The following LRP1B variants were observed in gnomAD, a reference collection of about 807,000 sequenced individuals.
LRP1B encodes the protein LDL receptor related protein 1B.
Under a neutral mutation model 556.6 loss-of-function variants are expected in LRP1B, and 217 were observed. That is an observed-to-expected ratio of 0.39 (90% CI 0.35 to 0.44). The LOEUF is 0.44. Ranked by LOEUF, LRP1B falls within the 20% of genes least tolerant of loss-of-function variation. The pLI is 1.00. For synonymous variants in LRP1B, 2,047 were observed against 1,865.8 expected (o/e 1.10, Z -2.50); for missense variants, 5,053 against 5,620.8 (o/e 0.90, Z 3.23).
intron 41 of LRP1B, among the ~76,000 whole-genome samples, chr2:140,618,148 G>T (rs928744842): frequency 4.0e-5 from 6 of 151,874 alleles, no homozygotes; most frequent in African/African-American, 1.4e-4. Context: ...TGTATTGATT[G>T]CATGCATATA....
chr2:141,632,625 T>TAG (rs987130721), intron 2 of LRP1B, among the ~76,000 whole-genome samples: 1 of 152,182 alleles, frequency 6.6e-6, no homozygotes, highest in Non-Finnish European at 1.5e-5. Flanking sequence ...CTGCATGTGA[T>TAG]AGAGAAAGTT....
chr2:141,336,540 ATAGTT>A (rs1326059069), intron 3 of LRP1B, among the ~76,000 whole-genome samples: 3 of 152,114 alleles, frequency 2.0e-5, no homozygotes, highest in Admixed American at 6.5e-5. Context: ...TTTAACTGTT[ATAGTT>A]TAATTTTTTC....
chr2:140,690,994 C>T (rs772565705), intron 41 of LRP1B, among the ~76,000 whole-genome samples: 27 of 151,918 alleles, frequency 1.8e-4, no homozygotes, highest in African/African-American at 3.4e-4. Context: ...ATTTTGAGAA[C>T]GAATGTCTGT....
chr2:141,831,677 T>A (rs914125799), intron 1 of LRP1B, among the ~76,000 whole-genome samples: 5 of 151,690 alleles, frequency 3.3e-5, no homozygotes, highest in Non-Finnish European at 5.9e-5. Context: ...TATTTAAATT[T>A]TCCAAATATC....
intron 7 of LRP1B, among the ~76,000 whole-genome samples, chr2:141,163,179 AC>A (rs955303375): frequency 6.6e-6 from 1 of 152,064 alleles, no homozygotes; most frequent in African/African-American, 2.4e-5. Context: ...ACACAAATAG[AC>A]TACCTAAACA....
chr2:141,068,206 AC>A (rs1196053862), intron 7 of LRP1B, among the ~76,000 whole-genome samples: 2 of 151,964 alleles, frequency 1.3e-5, no homozygotes, highest in African/African-American at 4.8e-5. Flanking sequence ...TAGGGTAAAT[AC>A]CCGGGGTTCA....
At chr2:140,536,495 T>A in intron 46 of LRP1B, 86 bp downstream of exon 46, 1 of 1,314,256 alleles carries the variant, frequency 7.6e-7, no homozygotes, top group Non-Finnish European at 1.1e-6. Flanking sequence ...ATTATCCACG[T>A]AAACCACACC....
intron 2 of LRP1B, among the ~76,000 whole-genome samples, chr2:141,582,604 T>C (rs2128695): frequency 0.97 from 146,767 of 151,932 alleles, 71,095 homozygotes; most frequent in East Asian, 1. Context: ...CTGAACACAG[T>C]ATTTGAAGAT....
At chr2:141,626,528 A>G (rs1038325259) in intron 2 of LRP1B, among the ~76,000 whole-genome samples, 1 of 152,184 alleles carries the variant, frequency 6.6e-6, no homozygotes, top group African/African-American at 2.4e-5. Context: ...GAAGCCATCG[A>G]CCGGGAGAAA....
At chr2:141,667,632 A>G (rs537892245) in intron 2 of LRP1B, among the ~76,000 whole-genome samples, 2 of 152,310 alleles carry the variant, frequency 1.3e-5, no homozygotes, top group South Asian at 2.1e-4. Context: ...TAGACCATAT[A>G]TGTTCTAATA....
chr2:140,252,062 C>CAAAAAAAAAAAAAAAAAAAAAAAAAAAAA, intron 86 of LRP1B, among the ~76,000 whole-genome samples: 9 of 18,560 alleles, frequency 4.8e-4, no homozygotes, highest in African/African-American at 7.7e-4. Context: ...TGACAAGATG[C>CAAAAAAAAAAAAAAAAAAAAAAAAAAAAA]AAAAAAAAAA....
intron 2 of LRP1B, among the ~76,000 whole-genome samples, chr2:141,583,159 C>A (rs1400672898): frequency 6.6e-6 from 1 of 151,992 alleles, no homozygotes; most frequent in East Asian, 1.9e-4. Flanking sequence ...TTTATAAATT[C>A]AAGTCAAGTG....
intron 32 of LRP1B, among the ~76,000 whole-genome samples, chr2:140,809,236 G>A (rs1690833127): frequency 1.3e-5 from 2 of 151,244 alleles, no homozygotes; most frequent in African/African-American, 4.9e-5. Context: ...TAGTTTGCAT[G>A]GTATTTTTTT....
Position 140,232,915 on chromosome 2 carries a change from T to C in LRP1B, c.*271A>G, listed in dbSNP as rs1402911650. The C allele has an allele frequency of 3.9e-6, 1 of 253,472 alleles. No individual in the cohort carries two copies. Among genetic ancestry groups the C allele is most frequent in the African/African-American group, 2.2e-5 (1 of 44,886 alleles). 15.7% of individuals were successfully genotyped at this position (253,472 alleles called of 1,614,324 possible). ...CACACTACAAAGGAATACGTTGTTT[T>C]TAATTTTAACAAATTCAAAGGTGTG... On this transcript the variant is annotated 3_prime_UTR_variant, in exon 91 of 91. Transcript: ENST00000389484.
At chr2:141,044,093 C>A (rs1402500695) in intron 11 of LRP1B, among the ~76,000 whole-genome samples, 1 of 151,768 alleles carries the variant, frequency 6.6e-6, no homozygotes, top group Non-Finnish European at 1.5e-5. Context: ...TGGAACAGAA[C>A]AGAGCCCTCA....
intron 1 of LRP1B, among the ~76,000 whole-genome samples, chr2:142,109,521 G>C (rs569456018): frequency 6.6e-6 from 1 of 152,104 alleles, no homozygotes; most frequent in Non-Finnish European, 1.5e-5. Flanking sequence ...CATAACTTGG[G>C]TACTTCTGAT....
chr2:140,991,633 A>G (rs1697095125), intron 16 of LRP1B, among the ~76,000 whole-genome samples: 1 of 152,138 alleles, frequency 6.6e-6, no homozygotes, highest in Non-Finnish European at 1.5e-5. Context: ...AGATGTACCA[A>G]ATAAGTAAGC....
At chr2:141,275,832 C>T (rs181967023) in intron 3 of LRP1B, among the ~76,000 whole-genome samples, 2 of 151,942 alleles carry the variant, frequency 1.3e-5, no homozygotes, top group East Asian at 3.9e-4. Context: ...TTAGAAATGG[C>T]GTAGTGTGAA....
At chr2:141,870,236 CT>C (rs1698539125) in intron 1 of LRP1B, among the ~76,000 whole-genome samples, 2 of 151,904 alleles carry the variant, frequency 1.3e-5, no homozygotes, top group African/African-American at 4.8e-5. Flanking sequence ...CAAAATGACT[CT>C]TATTTTTATT....
Sources: gnomAD v4.1 joint callset for allele counts (sites outside exome capture counted in the v4.1 genomes callset) on GRCh38, gnomAD v4.1.1 for gene constraint, MANE v1.5 for transcripts, NCBI Gene and HGNC (gene_info 2026-07-23, HGNC 2026-07-21) for gene names.